The following EPB41L4B variants were observed in gnomAD, a reference collection of about 807,000 sequenced individuals.
EPB41L4B encodes the protein erythrocyte membrane protein band 4.1 like 4B.
Under a neutral mutation model 112.5 loss-of-function variants are expected in EPB41L4B, and 30 were observed. That is an observed-to-expected ratio of 0.27 (90% confidence interval 0.20 to 0.36). EPB41L4B has a LOEUF of 0.36. Among genes scored for constraint, EPB41L4B ranks in the 10% least tolerant of loss-of-function variants. EPB41L4B has a pLI of 1.00. For missense variants in EPB41L4B, 1,024 were observed against 1,133.3 expected, an observed-to-expected ratio of 0.90 and a Z score of 1.38; for synonymous variants, 408 against 439.7, an observed-to-expected ratio of 0.93 and a Z score of 0.90.
chr9:109,185,058 T>C (rs1347428070), intron 23 of EPB41L4B, among the ~76,000 whole-genome samples: 1 of 152,222 alleles, frequency 6.6e-6, no homozygotes, highest in Non-Finnish European at 1.5e-5. Context: ...TAAATTGGGA[T>C]GACAGGTAAT....
intron 20 of EPB41L4B, among the ~76,000 whole-genome samples, chr9:109,195,797 G>A (rs12349447): frequency 0.059 from 8,918 of 152,262 alleles, 391 homozygotes; most frequent in Admixed American, 0.14. Flanking sequence ...TTTCACAGAA[G>A]GGAGTCAACT....
At chr9:109,280,830 G>A (rs1163811592) in intron 1 of EPB41L4B, among the ~76,000 whole-genome samples, 1 of 151,856 alleles carries the variant, frequency 6.6e-6, no homozygotes, top group African/African-American at 2.4e-5. Context: ...AACTCCATAG[G>A]ATGACTCGGT....
chr9:109,281,820 T>C (rs760691654), intron 1 of EPB41L4B, among the ~76,000 whole-genome samples: 7 of 152,190 alleles, frequency 4.6e-5, no homozygotes, highest in Non-Finnish European at 1.0e-4. Context: ...GCAGCTGCTC[T>C]GGAAAATAGC....
intron 13 of EPB41L4B, among the ~76,000 whole-genome samples, chr9:109,249,832 T>C (rs1834715333): frequency 6.6e-6 from 1 of 152,024 alleles, no homozygotes; most frequent in Non-Finnish European, 1.5e-5. Flanking sequence ...CACAGAGCAG[T>C]TCAACAGGAC....
At chr9:109,290,749 A>C (rs1348712413) in intron 1 of EPB41L4B, among the ~76,000 whole-genome samples, 9 of 147,018 alleles carry the variant, frequency 6.1e-5, no homozygotes, top group Non-Finnish European at 9.0e-5. Flanking sequence ...ACATACATAT[A>C]TATACCTCAC....
At chr9:109,286,193 G>GTGGATGGATGGA (rs1210969065) in intron 1 of EPB41L4B, among the ~76,000 whole-genome samples, 3 of 148,774 alleles carry the variant, frequency 2.0e-5, no homozygotes, top group East Asian at 2.0e-4. Flanking sequence ...GGATGGATGG[G>GTGGATGGATGGA]TGGATGGATG....
At chr9:109,264,921 T>A (rs1835345234) in intron 5 of EPB41L4B, 59 bp downstream of exon 5, 1 of 1,450,510 alleles carries the variant, frequency 6.9e-7, no homozygotes, top group Admixed American at 2.5e-5. Flanking sequence ...AACAGTGAAT[T>A]ATTTTGAAAT....
At position 109,320,435 on chromosome 9, in the gene EPB41L4B, G is replaced by T; in HGVS notation, c.12C>A (p.Phe4Leu). 1.0e-6 allele frequency: 1 copy of T among 991,738 alleles called. No individual in the cohort carries two copies. The highest frequency in any genetic ancestry group is 1.2e-6 in the Non-Finnish European group (1 of 835,868). 61.4% of individuals were successfully genotyped at this position (991,738 alleles called of 1,614,324 possible). The change falls in exon 1 of 26, where the codon TTC (phenylalanine) becomes TTA (leucine). Residue 4 changes from phenylalanine to leucine, a missense_variant. Physicochemically the swap from Phe to Leu is conservative, Grantham distance 22. Coordinates refer to ENST00000374566, the MANE Select transcript of EPB41L4B (RefSeq NM_019114.5). The part of the protein sequence containing the change: MLR[F>L]LRRTFGRRSM... Reference sequence around the variant, plus strand: ...AGCGGCGGCCAAAGGTCCGGCGCAGGAACCGCAGCATCCTGGCTGGGGGCG... The same window carrying T: ...AGCGGCGGCCAAAGGTCCGGCGCAGTAACCGCAGCATCCTGGCTGGGGGCG...
chr9:109,241,587 CATCT>C lies in EPB41L4B; in HGVS notation c.1409+2027_1409+2030del, dbSNP rs1037117568. The stretch of plus-strand genomic sequence containing the variant: ...AGACACTCGTCCAAACACATCCATC[CATCT>C]GAGGCCAAGACACTTTTCATGGAAT... On this transcript the variant is annotated intron_variant, in intron 15 of 25. Transcript: ENST00000374566. The C allele has an allele frequency of 3.1e-6, 5 of 1,592,652 alleles. No homozygotes were observed. The African/African-American group carries it at 5.4e-5, about 17-fold the overall frequency.
In EPB41L4B at chr9:109,174,278, A is replaced by G; in HGVS notation, c.*276T>C. Reference sequence around the variant, plus strand: ...TGGTTATTAACAGATACACACAGGTACTTCTGAAAAGGAATCCCGTTTTCC... The same window carrying G: ...TGGTTATTAACAGATACACACAGGTGCTTCTGAAAAGGAATCCCGTTTTCC... On this transcript the variant is annotated 3_prime_UTR_variant, in exon 26 of 26. Coordinates refer to ENST00000374566, the MANE Select transcript of EPB41L4B (RefSeq NM_019114.5). 2.8e-6 allele frequency: 1 copy of G among 360,146 alleles called. No homozygotes were observed. The highest frequency in any genetic ancestry group is 5.2e-6 in the Non-Finnish European group (1 of 192,888). 22.3% of individuals were successfully genotyped at this position (360,146 alleles called of 1,614,324 possible). A position where few individuals can be genotyped will look rare whatever the true frequency, so the allele number is the denominator to read the frequency against.
intron 17 of EPB41L4B, among the ~76,000 whole-genome samples, chr9:109,211,649 G>T (rs779755189): frequency 6.6e-6 from 1 of 150,640 alleles, no homozygotes; most frequent in African/African-American, 2.4e-5. Context: ...TGTGTGTGTC[G>T]GGACAAAGTC....
chr9:109,236,180 A>T (rs922419028), intron 15 of EPB41L4B, among the ~76,000 whole-genome samples: 1 of 152,200 alleles, frequency 6.6e-6, no homozygotes, highest in Middle Eastern at 3.2e-3. Context: ...CTTCTCCAAC[A>T]GCTGGAATTC....
At chr9:109,229,054 C>T (rs1391725957) in intron 15 of EPB41L4B, among the ~76,000 whole-genome samples, 1 of 152,044 alleles carries the variant, frequency 6.6e-6, no homozygotes, top group East Asian at 1.9e-4. Context: ...ATACATACAC[C>T]TAATATGTAC....
intron 15 of EPB41L4B, among the ~76,000 whole-genome samples, chr9:109,224,952 C>T (rs1223440288): frequency 1.3e-5 from 2 of 152,200 alleles, no homozygotes; most frequent in African/African-American, 4.8e-5. Context: ...CTGCTCGCTG[C>T]CTCAAGTGCT....
At chr9:109,274,436 G>C (rs1207440650) in intron 2 of EPB41L4B, among the ~76,000 whole-genome samples, 1 of 152,128 alleles carries the variant, frequency 6.6e-6, no homozygotes, top group Non-Finnish European at 1.5e-5. Context: ...TACGTAGACA[G>C]TCTCTCCTCC....
chr9:109,265,766 A>G (rs1028055371), intron 4 of EPB41L4B, among the ~76,000 whole-genome samples: 3 of 152,236 alleles, frequency 2.0e-5, no homozygotes, highest in African/African-American at 7.2e-5. Flanking sequence ...AATGCTTTGT[A>G]AAAACCAAAA....
intron 1 of EPB41L4B, among the ~76,000 whole-genome samples, chr9:109,310,986 G>C (rs1019873901): frequency 6.6e-6 from 1 of 152,204 alleles, no homozygotes; most frequent in Non-Finnish European, 1.5e-5. Flanking sequence ...ACCTAGAGTA[G>C]CTAAATTCAT....
At chr9:109,237,584 C>T (rs1398426709) in intron 15 of EPB41L4B, among the ~76,000 whole-genome samples, 1 of 152,014 alleles carries the variant, frequency 6.6e-6, no homozygotes, top group Non-Finnish European at 1.5e-5. Flanking sequence ...CCAATCTCTG[C>T]GGGACTACTG....
At chr9:109,286,969 C>T (rs1465596508) in intron 1 of EPB41L4B, among the ~76,000 whole-genome samples, 6 of 152,200 alleles carry the variant, frequency 3.9e-5, no homozygotes, top group Non-Finnish European at 8.8e-5. Context: ...TCAATGTTTT[C>T]TAGTTTTTCT....
Sources: allele counts gnomAD v4.1 joint callset (sites outside exome capture counted in the v4.1 genomes callset), GRCh38; gene constraint gnomAD v4.1.1; transcripts MANE v1.5; gene names NCBI Gene and HGNC (gene_info 2026-07-23, HGNC 2026-07-21).